SNRPD1: variants seen among roughly 807,000 people sequenced by gnomAD.
SNRPD1 encodes the protein small nuclear ribonucleoprotein D1 polypeptide, also known as small nuclear ribonucleoprotein Sm D1.
Under a neutral mutation model 14.4 loss-of-function variants are expected in SNRPD1, and 1 was observed. That is an observed-to-expected ratio of 0.07 (90% CI 0.02 to 0.33). The LOEUF is 0.33. Among genes scored for constraint, SNRPD1 ranks in the 10% least tolerant of loss-of-function variants. The probability of loss-of-function intolerance (pLI) is 1.00; values close to 1 mark genes in which losing one functional copy is unlikely to be tolerated. For missense variants in SNRPD1, 52 were observed against 146.4 expected (o/e 0.36, Z 3.33); for synonymous variants, 42 against 50.3 (o/e 0.83, Z 0.70).
At chr18:21,617,647 G>C (rs1184124871) in intron 1 of SNRPD1, among the ~76,000 whole-genome samples, 3 of 152,096 alleles carry the variant, frequency 2.0e-5, no homozygotes, top group African/African-American at 7.2e-5. Flanking sequence ...ACAGAGCTTA[G>C]GCTTTCCATG....
At chr18:21,616,034 G>A (rs2038954567) in intron 1 of SNRPD1, among the ~76,000 whole-genome samples, 1 of 152,160 alleles carries the variant, frequency 6.6e-6, no homozygotes, top group Admixed American at 6.6e-5. Context: ...CACCCAGGCT[G>A]GAGTGCAGTG....
intron 3 of SNRPD1, 64 bp downstream of exon 3, chr18:21,624,003 T>C (rs2039016605): frequency 2.2e-6 from 2 of 927,826 alleles, no homozygotes; most frequent in Admixed American, 2.5e-5. Flanking sequence ...ATTCATAATA[T>C]AGATATTATT....
At chr18:21,627,595 TTTGTTGTTG>T (rs951571300) in intron 3 of SNRPD1, among the ~76,000 whole-genome samples, 4 of 151,694 alleles carry the variant, frequency 2.6e-5, no homozygotes, top group Admixed American at 6.6e-5. Flanking sequence ...GCCCAGCCCT[TTTGTTGTTG>T]TTGTTGTTGT....
intron 1 of SNRPD1, among the ~76,000 whole-genome samples, chr18:21,618,997 TGTTA>T: frequency 6.6e-6 from 1 of 152,226 alleles, no homozygotes; most frequent in South Asian, 2.1e-4. Context: ...TGATAGGATC[TGTTA>T]ATTCAAAGTA....
rs8095809 is a variant in SNRPD1 at position 21,632,830 on chromosome 18, C to G, written c.*3692C>G. On this transcript the variant is annotated 3_prime_UTR_variant, in exon 4 of 4. Coordinates refer to ENST00000300413, the MANE Select transcript of SNRPD1 (RefSeq NM_006938.4). ...TTACATATGAACTTTAGTTTTTTTT[C>G]TTTTCTTTTCTTTTCTTTTCTTTTC... 44,967 of 143,248 alleles carry G rather than the reference C, an allele frequency of 0.31. 8,881 individuals are homozygous for G. Among genetic ancestry groups the G allele is most frequent in the African/African-American group, 0.6 (21,199 of 35,096 alleles). 8.9% of individuals were successfully genotyped at this position (143,248 alleles called of 1,614,324 possible).
chr18:21,622,794 A>G lies in SNRPD1; in HGVS notation c.84A>G (p.Thr28=). 1 of 1,555,406 alleles carries G rather than the reference A, an allele frequency of 6.4e-7. No individual in the cohort carries two copies. Among genetic ancestry groups the G allele is most frequent in the Non-Finnish European group, 8.9e-7 (1 of 1,127,270 alleles). ...AGAACGGAACACAGGTCCATGGAAC[A>G]ATCACAGGTACGGAGGTTGGACTGC... The part of the protein sequence containing the change: ...ELKNGTQVHG[T]ITGVDVSMNT... The change falls in exon 2 of 4, where the codon ACA becomes ACG. Residue 28 remains threonine, a synonymous_variant. Coordinates refer to ENST00000300413, the MANE Select transcript of SNRPD1 (RefSeq NM_006938.4).
At chr18:21,622,481 T>C (rs1424044923) in intron 1 of SNRPD1, among the ~76,000 whole-genome samples, 1 of 152,184 alleles carries the variant, frequency 6.6e-6, no homozygotes, top group Non-Finnish European at 1.5e-5. Flanking sequence ...AGATCTTGTA[T>C]GTCTGGATTT....
Position 21,612,380 on chromosome 18 carries a change from T to G in SNRPD1, c.-50T>G. ...CATACTGCAGTCGGTCAGTGTTCGG[T>G]TGAAGGATTCTGTGTGCTGTCGGAC... On this transcript the variant is annotated 5_prime_UTR_variant, in exon 1 of 4. Coordinates refer to ENST00000300413, the MANE Select transcript of SNRPD1 (RefSeq NM_006938.4). 6.7e-7 allele frequency: 1 copy of G among 1,497,222 alleles called. No homozygotes were observed. Among genetic ancestry groups the G allele is most frequent in the Non-Finnish European group, 9.0e-7 (1 of 1,105,522 alleles). The allele number at this position is 1,497,222 out of a possible 1,614,324, so 92.7% of individuals were successfully genotyped here. A position where few individuals can be genotyped will look rare whatever the true frequency, so the allele number is the denominator to read the frequency against.
At chr18:21,628,864 C>T (rs1298621684) in intron 3 of SNRPD1, among the ~76,000 whole-genome samples, 198 bp from the exon 4 acceptor site, 1 of 151,442 alleles carries the variant, frequency 6.6e-6, no homozygotes, top group East Asian at 1.9e-4. Context: ...GTTATTGGTT[C>T]TGCATGATAA....
intron 1 of SNRPD1, among the ~76,000 whole-genome samples, chr18:21,616,708 A>G (rs2038960445): frequency 7.8e-6 from 1 of 128,646 alleles, no homozygotes; most frequent in Non-Finnish European, 1.6e-5. Flanking sequence ...TTTTTTTGAG[A>G]TGGAGTCTTG....
chr18:21,626,280 G>T (rs532536888), intron 3 of SNRPD1, among the ~76,000 whole-genome samples: 1 of 151,612 alleles, frequency 6.6e-6, no homozygotes, highest in Admixed American at 6.6e-5. Context: ...TGTAATCCCA[G>T]CTACTCGGGT....
In SNRPD1 at chr18:21,630,090, T is replaced by G. The variant is rs1422659088; in HGVS notation, c.*952T>G. 3 of 152,192 alleles carry G rather than the reference T, an allele frequency of 2.0e-5. No homozygotes were observed. The highest frequency in any genetic ancestry group is 2.0e-4 in the Admixed American group (3 of 15,260). The allele number at this position is 152,192 out of a possible 1,614,324, so 9.4% of individuals were successfully genotyped here. A position where few individuals can be genotyped will look rare whatever the true frequency, so the allele number is the denominator to read the frequency against. On this transcript the variant is annotated 3_prime_UTR_variant, in exon 4 of 4. Transcript: ENST00000300413. ...GTTCTTAATAGGATATAGTTTTATG[T>G]TTTCCAAGTTATAACTTGGAGTTAA... is the stretch of plus-strand genomic sequence containing the variant.
chr18:21,618,911 G>GCTTA (rs1374933283), intron 1 of SNRPD1, among the ~76,000 whole-genome samples: 19 of 152,144 alleles, frequency 1.2e-4, no homozygotes, highest in African/African-American at 4.6e-4. Context: ...TAGATATAGA[G>GCTTA]CTTACGATCC....
At chr18:21,618,812 A>C (rs2038976565) in intron 1 of SNRPD1, among the ~76,000 whole-genome samples, 1 of 152,204 alleles carries the variant, frequency 6.6e-6, no homozygotes, top group Non-Finnish European at 1.5e-5. Context: ...AAAAAAAAGA[A>C]ATTAAAAAAA....
intron 2 of SNRPD1, 82 bp downstream of exon 2, chr18:21,622,883 A>G: frequency 1.4e-6 from 1 of 700,302 alleles, no homozygotes; most frequent in South Asian, 1.7e-5. Context: ...TGCTTAATGA[A>G]CATTATTGTA....
intron 1 of SNRPD1, among the ~76,000 whole-genome samples, chr18:21,620,505 A>G (rs1257180678): frequency 6.6e-6 from 1 of 152,250 alleles, no homozygotes; most frequent in East Asian, 1.9e-4. Context: ...ATTGTTCATT[A>G]TATATTATCA....
intron 1 of SNRPD1, among the ~76,000 whole-genome samples, chr18:21,617,197 G>A (rs1301112595): frequency 6.6e-6 from 1 of 151,198 alleles, no homozygotes; most frequent in Admixed American, 6.6e-5. Flanking sequence ...GCTCATGCCT[G>A]TAATCCCAGC....
intron 3 of SNRPD1, 84 bp downstream of exon 3, chr18:21,624,023 C>T (rs921762014): frequency 2.5e-6 from 2 of 794,664 alleles, no homozygotes; most frequent in Admixed American, 5.5e-5. Context: ...TTGCAAACAA[C>T]ACAAGTGTCT....
At chr18:21,622,677 G>T (rs758680235) in intron 1 of SNRPD1, 48 bp from the exon 2 acceptor site, 1 of 893,006 alleles carries the variant, frequency 1.1e-6, no homozygotes, top group Admixed American at 1.9e-5. Context: ...CTTAATAAAT[G>T]TGATTTTAAA....
Sources: allele counts gnomAD v4.1 joint callset (sites outside exome capture counted in the v4.1 genomes callset), GRCh38; gene constraint gnomAD v4.1.1; transcripts MANE v1.5; gene names NCBI Gene and HGNC (gene_info 2026-07-23, HGNC 2026-07-21).